TMEM132B: variants seen among roughly 807,000 people sequenced by gnomAD.
The protein encoded by TMEM132B is transmembrane protein 132B.
TMEM132B carries 18 observed loss-of-function variants against 90.8 expected under a neutral mutation model. The observed-to-expected ratio is 0.20, with a 90% CI of 0.14 to 0.29. TMEM132B has a LOEUF of 0.29. Among genes scored for constraint, TMEM132B ranks in the 10% least tolerant of loss-of-function variants. The probability of loss-of-function intolerance (pLI) is 1.00; values close to 1 mark genes in which losing one functional copy is unlikely to be tolerated. For missense variants in TMEM132B, 1,096 were observed against 1,326.8 expected (o/e 0.83, Z 2.70); for synonymous variants, 504 against 523.3 (o/e 0.96, Z 0.50).
In TMEM132B at chr12:125,519,638, G is replaced by C; in HGVS notation, c.1293+13G>C. 1 of 1,613,104 alleles carries C rather than the reference G, an allele frequency of 6.2e-7. No individual in the cohort carries two copies. Among genetic ancestry groups the C allele is most frequent in the Non-Finnish European group, 8.5e-7 (1 of 1,179,848 alleles). On this transcript the variant is annotated intron_variant, in intron 4 of 8. Coordinates refer to ENST00000682704, the MANE Select transcript of TMEM132B (RefSeq NM_001366854.1). ...CCCTCTTGCCATGGTGAGGAATCTG[G>C]GGGTTTCAGAGGAAGTGTCACAAAG...
At chr12:125,348,219 A>AG (rs1222151493) in intron 1 of TMEM132B, among the ~76,000 whole-genome samples, 1 of 151,742 alleles carries the variant, frequency 6.6e-6, no homozygotes, top group East Asian at 1.9e-4. Context: ...TCCACTGTAA[A>AG]TGTTTAGTTT....
At chr12:125,575,970 A>C (rs761564346) in intron 4 of TMEM132B, among the ~76,000 whole-genome samples, 72 of 151,974 alleles carry the variant, frequency 4.7e-4, no homozygotes, top group Non-Finnish European at 9.4e-4. Context: ...TGCCTCTTTC[A>C]TCTCCATATG....
Position 125,650,788 on chromosome 12 carries a change from C to A in TMEM132B, c.1749C>A (p.Ala583=). ...ATVRVLTQFV[A]ESPDLGQLTY... ...TGCGTGTCCTCACCCAGTTTGTGGC[C>A]GAGTCACCTGACTTAGGGCAGCTGA... The change falls in exon 7 of 9, where the codon GCC becomes GCA. Residue 583 remains alanine (A), a synonymous_variant. Coordinates refer to ENST00000682704, the MANE Select transcript of TMEM132B (RefSeq NM_001366854.1). The A allele has an allele frequency of 6.2e-7, 1 of 1,614,212 alleles. No homozygotes were observed. The highest frequency in any genetic ancestry group is 8.5e-7 in the Non-Finnish European group (1 of 1,180,050).
chr12:125,281,884 C>T (rs1486511343), intron 1 of TMEM132B, among the ~76,000 whole-genome samples: 3 of 151,616 alleles, frequency 2.0e-5, no homozygotes, highest in African/African-American at 7.3e-5. Context: ...AAAAATTAGC[C>T]GGGCGAGGTG....
chr12:125,455,126 T>G (rs956600921), intron 3 of TMEM132B, among the ~76,000 whole-genome samples: 2 of 147,278 alleles, frequency 1.4e-5, no homozygotes, highest in African/African-American at 2.5e-5. Context: ...GGGAGGGGAG[T>G]CTGGAGTGGA....
intron 4 of TMEM132B, among the ~76,000 whole-genome samples, chr12:125,574,258 A>G (rs1010970427): frequency 2.6e-5 from 4 of 152,112 alleles, no homozygotes; most frequent in Non-Finnish European, 5.9e-5. Flanking sequence ...TCATTAATTA[A>G]TATGAAGCCC....
At chr12:125,584,992 G>C (rs1237924509) in intron 5 of TMEM132B, 1 of 152,088 alleles carries the variant, frequency 6.6e-6, no homozygotes, top group Non-Finnish European at 1.5e-5. Context: ...CATGAAACTT[G>C]GTCTCAGTAT....
chr12:125,269,903 T>A (rs1874787028), intron 1 of TMEM132B, among the ~76,000 whole-genome samples: 1 of 151,110 alleles, frequency 6.6e-6, no homozygotes, highest in South Asian at 2.1e-4. Context: ...CAAGATAGAG[T>A]CCCAGATGTG....
chr12:125,564,091 G>T (rs1884606139), intron 4 of TMEM132B, among the ~76,000 whole-genome samples: 1 of 152,186 alleles, frequency 6.6e-6, no homozygotes, highest in Non-Finnish European at 1.5e-5. Flanking sequence ...CAAAGAAAGG[G>T]TACGGCTAGA....
Position 125,389,944 on chromosome 12 carries a change from C to T in TMEM132B, c.960-25587C>T, listed in dbSNP as rs531656695. On this transcript the variant is annotated intron_variant, in intron 2 of 8. Coordinates refer to ENST00000682704, the MANE Select transcript of TMEM132B (RefSeq NM_001366854.1). ...ATGCACAGATTCCAATTGCATAGCT[C>T]GATGAATTTTTACAAAATGAACAAA... is the stretch of plus-strand genomic sequence containing the variant. 2.6e-5 allele frequency among the ~76,000 whole-genome samples: 4 copies of T among 152,264 alleles called. No individual in the cohort carries two copies. The East Asian group carries it at 7.7e-4, about 29-fold the overall frequency.
intron 4 of TMEM132B, among the ~76,000 whole-genome samples, chr12:125,548,367 A>C (rs975544649): frequency 6.6e-6 from 1 of 152,198 alleles, no homozygotes; most frequent in African/African-American, 2.4e-5. Flanking sequence ...ATTGATATTA[A>C]TGACTATAGT....
At chr12:125,360,744 G>A (rs1165889913) in intron 2 of TMEM132B, among the ~76,000 whole-genome samples, 3 of 151,892 alleles carry the variant, frequency 2.0e-5, no homozygotes, top group Non-Finnish European at 4.4e-5. Context: ...TGTGGACGAT[G>A]GGCAGGTTTT....
intron 1 of TMEM132B, among the ~76,000 whole-genome samples, chr12:125,292,920 C>T (rs1038586136): frequency 6.6e-6 from 1 of 152,172 alleles, no homozygotes; most frequent in East Asian, 1.9e-4. Context: ...CATGTGGGCT[C>T]AGAGTGGTTT....
At chr12:125,247,639 C>T (rs1050325174) in intron 1 of TMEM132B, among the ~76,000 whole-genome samples, 2 of 152,160 alleles carry the variant, frequency 1.3e-5, no homozygotes, top group Non-Finnish European at 2.9e-5. Flanking sequence ...TCCTATTGGC[C>T]AATCAGAACA....
intron 5 of TMEM132B, among the ~76,000 whole-genome samples, chr12:125,589,253 C>T (rs10773177): frequency 0.6 from 91,195 of 151,626 alleles, 29,065 homozygotes; most frequent in Middle Eastern, 0.75. Context: ...GAGGCCAAGG[C>T]GGGCAGATCA....
chr12:125,458,765 C>T lies in TMEM132B; in HGVS notation c.1106+43088C>T, dbSNP rs1318591700. Reference sequence around the variant, plus strand: ...GTTGTCAGGGTGACTCACGTGGACACTCAGCATCTGAGGACAAATGAGAGT... The same window carrying T: ...GTTGTCAGGGTGACTCACGTGGACATTCAGCATCTGAGGACAAATGAGAGT... On this transcript the variant is annotated intron_variant, in intron 3 of 8. Transcript: ENST00000682704. This position sits in a 1 kb window ranked among gnomAD's most constrained non-coding sequence, Gnocchi z 4.9. Among the ~76,000 whole-genome samples, 1 of 152,188 alleles carries T rather than the reference C, an allele frequency of 6.6e-6. No homozygotes were observed. The highest frequency in any genetic ancestry group is 2.4e-5 in the African/African-American group (1 of 41,440).
At chr12:125,247,652 G>A (rs1477075516) in intron 1 of TMEM132B, among the ~76,000 whole-genome samples, 1 of 152,078 alleles carries the variant, frequency 6.6e-6, no homozygotes, top group Non-Finnish European at 1.5e-5. Context: ...TCAGAACATG[G>A]CCCCCTGGCT....
intron 1 of TMEM132B, among the ~76,000 whole-genome samples, chr12:125,194,895 T>C (rs1041633458): frequency 1.1e-4 from 17 of 152,236 alleles, no homozygotes; most frequent in Non-Finnish European, 1.5e-5. Flanking sequence ...GGTGGAGGGC[T>C]GCTGGCTGCC....
At chr12:125,269,796 A>G (rs974938755) in intron 1 of TMEM132B, among the ~76,000 whole-genome samples, 35 of 152,164 alleles carry the variant, frequency 2.3e-4, no homozygotes, top group African/African-American at 8.0e-4. Flanking sequence ...ATAAGTATCC[A>G]GAACTGGTAT....
Sources: gnomAD v4.1 joint callset for allele counts (sites outside exome capture counted in the v4.1 genomes callset) on GRCh38, gnomAD v4.1.1 for gene constraint, Gnocchi (gnomAD v3.1) non-coding constraint, MANE v1.5 for transcripts, NCBI Gene and HGNC (gene_info 2026-07-23, HGNC 2026-07-21) for gene names.